TBCK: variants seen among roughly 807,000 people sequenced by gnomAD.
The protein encoded by TBCK is TBC domain-containing protein kinase-like protein.
In TBCK, 99 loss-of-function variants were observed where a neutral mutation model predicts 113.4. That is an observed-to-expected ratio of 0.87 (90% CI 0.74 to 1.03). TBCK has a LOEUF of 1.03. Ranked by LOEUF, TBCK falls within the 50% of genes least tolerant of loss-of-function variation. The pLI, the probability that TBCK is intolerant of heterozygous loss-of-function variation, is 0.00. For missense variants in TBCK, 1,045 were observed against 1,061.3 expected, an observed-to-expected ratio of 0.98 and a Z score of 0.21; for synonymous variants, 369 against 370.8, an observed-to-expected ratio of 1.00 and a Z score of 0.05.
chr4:106,128,324 TTTATC>T (rs1387342062), intron 23 of TBCK, among the ~76,000 whole-genome samples: 1 of 152,194 alleles, frequency 6.6e-6, no homozygotes, highest in Non-Finnish European at 1.5e-5. Flanking sequence ...ACAGCTATTC[TTTATC>T]TTAAACATTT....
chr4:106,293,536 C>T (rs978509159), intron 3 of TBCK, among the ~76,000 whole-genome samples: 4 of 152,154 alleles, frequency 2.6e-5, no homozygotes, highest in Non-Finnish European at 4.4e-5. Context: ...CATCCCTCCA[C>T]CCTCCATCCA....
intron 5 of TBCK, among the ~76,000 whole-genome samples, chr4:106,252,638 T>C (rs1020575339): frequency 1.3e-5 from 2 of 152,246 alleles, no homozygotes; most frequent in East Asian, 1.9e-4. Context: ...AATAATTTCA[T>C]TGATGTACTT....
intron 23 of TBCK, among the ~76,000 whole-genome samples, chr4:106,131,824 A>C (rs1745973222): frequency 6.6e-6 from 1 of 152,142 alleles, no homozygotes; most frequent in Non-Finnish European, 1.5e-5. Flanking sequence ...GCTGATAGTG[A>C]TATGAACAAT....
chr4:106,232,592 A>C (rs1758989357), intron 17 of TBCK, among the ~76,000 whole-genome samples: 1 of 151,950 alleles, frequency 6.6e-6, no homozygotes, highest in African/African-American at 2.4e-5. Context: ...GGTAAGTATA[A>C]ATTAGAAATC....
chr4:106,186,945 C>G (rs1428914155), intron 22 of TBCK, among the ~76,000 whole-genome samples: 3 of 152,140 alleles, frequency 2.0e-5, no homozygotes, highest in African/African-American at 4.8e-5. Flanking sequence ...CAGTTTCAAT[C>G]TTCTGCATAC....
At chr4:106,190,335 T>G (rs781209692) in intron 22 of TBCK, among the ~76,000 whole-genome samples, 11 of 152,200 alleles carry the variant, frequency 7.2e-5, no homozygotes, top group Non-Finnish European at 1.6e-4. Flanking sequence ...TATAACTAAA[T>G]TTACTTGGCA....
At chr4:106,290,270 C>T (rs777327551) in intron 3 of TBCK, among the ~76,000 whole-genome samples, 3 of 152,064 alleles carry the variant, frequency 2.0e-5, no homozygotes, top group Admixed American at 6.5e-5. Flanking sequence ...CTCCGCCTCC[C>T]GGGTTCACGC....
At chr4:106,070,774 C>A (rs544971189) in intron 25 of TBCK, among the ~76,000 whole-genome samples, 2 of 152,020 alleles carry the variant, frequency 1.3e-5, no homozygotes, top group East Asian at 3.9e-4. Context: ...ATCTGGTCCT[C>A]GACTTTTTTT....
intron 25 of TBCK, among the ~76,000 whole-genome samples, chr4:106,085,525 C>A (rs1739396881): frequency 6.6e-6 from 1 of 152,098 alleles, no homozygotes; most frequent in South Asian, 2.1e-4. Flanking sequence ...TGGGAGACTT[C>A]AACACCCCAC....
chr4:106,292,193 T>C (rs975925084), intron 3 of TBCK, among the ~76,000 whole-genome samples: 2 of 152,140 alleles, frequency 1.3e-5, no homozygotes, highest in African/African-American at 4.8e-5. Context: ...GTGCCATCCA[T>C]ACAGAAATGC....
At chr4:106,069,289 A>G (rs1303822982) in intron 25 of TBCK, among the ~76,000 whole-genome samples, 9 of 152,162 alleles carry the variant, frequency 5.9e-5, no homozygotes, top group Admixed American at 6.5e-5. Flanking sequence ...TCTAATATTT[A>G]AGTCTTTCAT....
intron 23 of TBCK, among the ~76,000 whole-genome samples, chr4:106,152,958 G>A (rs748254902): frequency 2.6e-5 from 4 of 151,800 alleles, no homozygotes; most frequent in South Asian, 2.1e-4. Context: ...GGATCTTCTC[G>A]TTTTTTGGTT....
chr4:106,278,927 C>T (rs942697647), intron 3 of TBCK, among the ~76,000 whole-genome samples: 11 of 151,478 alleles, frequency 7.3e-5, no homozygotes, highest in Non-Finnish European at 8.8e-5. Context: ...AATGAAACAA[C>T]AAAAAAAACC....
intron 12 of TBCK, among the ~76,000 whole-genome samples, chr4:106,238,980 G>A (rs1036061891): frequency 6.6e-6 from 1 of 152,082 alleles, no homozygotes; most frequent in Non-Finnish European, 1.5e-5. Flanking sequence ...GGTCCCACCA[G>A]GTTCTCAGGG....
intron 3 of TBCK, among the ~76,000 whole-genome samples, chr4:106,294,547 T>C (rs1332104848): frequency 2.0e-5 from 3 of 151,708 alleles, no homozygotes; most frequent in African/African-American, 7.3e-5. Context: ...GGTGGTGCAA[T>C]CTCGGCTCAC....
At chr4:106,159,937 T>C (rs367786438) in intron 23 of TBCK, among the ~76,000 whole-genome samples, 10 of 152,118 alleles carry the variant, frequency 6.6e-5, no homozygotes, top group African/African-American at 2.4e-4. Flanking sequence ...GACAGACATA[T>C]AGACCAACAG....
At chr4:106,243,176 A>G (rs1320677847) in intron 11 of TBCK, among the ~76,000 whole-genome samples, 2 of 152,102 alleles carry the variant, frequency 1.3e-5, no homozygotes, top group Non-Finnish European at 2.9e-5. Context: ...CTCATTTTCA[A>G]ATATCTCTTG....
At chr4:106,110,876 G>GA (rs1742768322) in intron 24 of TBCK, among the ~76,000 whole-genome samples, 1 of 151,744 alleles carries the variant, frequency 6.6e-6, no homozygotes, top group African/African-American at 2.4e-5. Flanking sequence ...CAAAAAATTG[G>GA]AAAAAAGACA....
At chr4:106,281,308 T>C (rs1050728719) in intron 3 of TBCK, among the ~76,000 whole-genome samples, 2 of 152,020 alleles carry the variant, frequency 1.3e-5, no homozygotes, top group South Asian at 4.1e-4. Context: ...TAATCATTTT[T>C]TTTTTTGGTG....
Sources: gnomAD v4.1 joint callset for allele counts (sites outside exome capture counted in the v4.1 genomes callset) on GRCh38, gnomAD v4.1.1 for gene constraint, MANE v1.5 for transcripts, NCBI Gene and HGNC (gene_info 2026-07-23, HGNC 2026-07-21) for gene names.